HSPG2: variants seen among roughly 807,000 people sequenced by gnomAD.
The protein encoded by HSPG2 is heparan sulfate proteoglycan 2, also known as basement membrane-specific heparan sulfate proteoglycan core protein.
A neutral mutation model predicts 526.6 loss-of-function variants in HSPG2; 278 were observed. The observed-to-expected ratio is 0.53, with a 90% CI of 0.48 to 0.58. The LOEUF is 0.58. HSPG2 is among the 20% of genes least tolerant of loss of function. The pLI, the probability that HSPG2 is intolerant of heterozygous loss-of-function variation, is 0.00. For missense variants in HSPG2, 5,354 were observed against 6,099.5 expected, an observed-to-expected ratio of 0.88 and a Z score of 4.07; for synonymous variants, 2,465 against 2,555.4, an observed-to-expected ratio of 0.96 and a Z score of 1.07.
chr1:21,929,979 G>C (rs1644307031), intron 1 of HSPG2, among the ~76,000 whole-genome samples: 1 of 152,142 alleles, frequency 6.6e-6, no homozygotes, highest in South Asian at 2.1e-4. Flanking sequence ...CAATCCTATG[G>C]AACACCGGGC....
At position 21,860,248 on chromosome 1, in the gene HSPG2, A is replaced by T; in HGVS notation, c.4956-13T>A. Reference sequence around the variant, plus strand: ...ACCTGGGCCACACCTGTAAGGGGGAACAAGGGCCGGCAATGTCAGGCCTCA... The same window carrying T: ...ACCTGGGCCACACCTGTAAGGGGGATCAAGGGCCGGCAATGTCAGGCCTCA... On this transcript the variant is annotated splice_polypyrimidine_tract_variant and intron_variant, in intron 39 of 96. Transcript: ENST00000374695. The T allele has an allele frequency of 6.2e-7, 1 of 1,611,940 alleles. No homozygotes were observed. Among genetic ancestry groups the T allele is most frequent in the Non-Finnish European group, 8.5e-7 (1 of 1,179,146 alleles).
Position 21,874,743 on chromosome 1 carries a change from G to A in HSPG2, c.3415-14C>T. Reference sequence around the variant, plus strand: ...TGTGTCACAGTCCTGGGGGCAGAAAGATGGCAGTGGGAGGGACTTCCGAAC... The same window carrying A: ...TGTGTCACAGTCCTGGGGGCAGAAAAATGGCAGTGGGAGGGACTTCCGAAC... On this transcript the variant is annotated splice_polypyrimidine_tract_variant and intron_variant, in intron 26 of 96. Transcript: ENST00000374695. 1 of 1,585,472 alleles carries A rather than the reference G, an allele frequency of 6.3e-7. No homozygotes were observed. Among genetic ancestry groups the A allele is most frequent in the Non-Finnish European group, 8.6e-7 (1 of 1,164,010 alleles).
rs141771046 is a variant in HSPG2 at position 21,923,682 on chromosome 1, T to C, written c.63+13473A>G. Among the ~76,000 whole-genome samples, 17 of 152,318 alleles carry C rather than the reference T, an allele frequency of 1.1e-4. No individual in the cohort carries two copies. In the East Asian group the frequency reaches 2.3e-3, roughly 21 times the overall value. On this transcript the variant is annotated intron_variant, in intron 1 of 96. Coordinates refer to ENST00000374695, the MANE Select transcript of HSPG2 (RefSeq NM_005529.7). ...GTCTGGTGGCCCTGAAATCCTGCTA[T>C]AGTCCTCGAGTGTCTTCCTTGAATG...
chr1:21,847,320 C>T lies in HSPG2; in HGVS notation c.8164+34G>A, dbSNP rs749678729. On this transcript the variant is annotated intron_variant, in intron 62 of 96. Transcript: ENST00000374695. This position sits in a 1 kb window ranked among gnomAD's most constrained non-coding sequence, Gnocchi z 4.1. The stretch of plus-strand genomic sequence containing the variant: ...CCTTCTCCCCAGGGAACACTGTTGC[C>T]TGCATCCCTCGTCCCTTTCCTAGGC... The T allele has an allele frequency of 6.8e-6, 11 of 1,613,060 alleles. No homozygotes were observed. In the South Asian group the frequency reaches 1.2e-4, roughly 18 times the overall value.
chr1:21,932,579 TACAG>T (rs1183390485), intron 1 of HSPG2, among the ~76,000 whole-genome samples: 1 of 152,026 alleles, frequency 6.6e-6, no homozygotes, highest in Non-Finnish European at 1.5e-5. Flanking sequence ...CATAAACAAA[TACAG>T]ACAAATACAG....
intron 23 of HSPG2, 75 bp from the exon 24 acceptor site, chr1:21,876,117 T>C: frequency 6.9e-6 from 11 of 1,583,722 alleles, no homozygotes; most frequent in African/African-American, 1.3e-5. Context: ...ACCTTTTCCA[T>C]GCAGTGTATC....
rs1371863706 is a variant in HSPG2, at chr1:21,839,130, C to T, written c.9890-45G>A. 1 of 1,551,612 alleles carries T rather than the reference C, an allele frequency of 6.4e-7. No homozygotes were observed. Among genetic ancestry groups the T allele is most frequent in the Non-Finnish European group, 8.7e-7 (1 of 1,146,458 alleles). ...GGTCAGGATTGGGGAGGGCAAAGGT[C>T]AGAATGGCAGCAGGTCGTTGGATCC... On this transcript the variant is annotated intron_variant, in intron 73 of 96. Transcript: ENST00000374695. The surrounding 1 kb of genome is among the most constrained non-coding windows in gnomAD (Gnocchi z 4.5).
At chr1:21,915,276 A>T (rs1035063252) in intron 1 of HSPG2, among the ~76,000 whole-genome samples, 2 of 152,198 alleles carry the variant, frequency 1.3e-5, no homozygotes, top group African/African-American at 4.8e-5. Flanking sequence ...GGAGCTGGGG[A>T]CTAGGGACTG....
rs143696099 is a variant in HSPG2 at position 21,859,140 on chromosome 1, C to T, written c.5293+426G>A. Among the ~76,000 whole-genome samples, 105 of 152,140 alleles carry T rather than the reference C, an allele frequency of 6.9e-4. 1 individual carries two copies. The East Asian group carries it at 0.019, about 27-fold the overall frequency. On this transcript the variant is annotated intron_variant, in intron 42 of 96. Coordinates refer to ENST00000374695, the MANE Select transcript of HSPG2 (RefSeq NM_005529.7). This position sits in a 1 kb window ranked among gnomAD's most constrained non-coding sequence, Gnocchi z 5.3. ...TTGGCTCACTGCAACCTCCACCTCC[C>T]GGGTTCAAGCAATTCTCCTGCCTCA...
In HSPG2 at chr1:21,893,308, C is replaced by T. The variant is rs1044761619; in HGVS notation, c.244+2614G>A. On this transcript the variant is annotated intron_variant, in intron 3 of 96. Transcript: ENST00000374695. This position sits in a 1 kb window ranked among gnomAD's most constrained non-coding sequence, Gnocchi z 4.3. ...CTGCACCCATCTCTGCCCGTCAACACCCCATGGGGAAGAACGCCCGCCAGG... is the reference window on the plus strand; with the variant it reads ...CTGCACCCATCTCTGCCCGTCAACATCCCATGGGGAAGAACGCCCGCCAGG... Among the ~76,000 whole-genome samples, 1 of 152,174 alleles carries T rather than the reference C, an allele frequency of 6.6e-6. No individual in the cohort carries two copies. Among genetic ancestry groups the T allele is most frequent in the South Asian group, 2.1e-4 (1 of 4,828 alleles).
Position 21,848,384 on chromosome 1 carries a change from C to G in HSPG2, c.7737+259G>C, listed in dbSNP as rs769529112. ...CTGAGAGCAGGCAACTGTCTCATTC[C>G]ATCTGGAATCTTCAGTGTCAGGCAC... On this transcript the variant is annotated intron_variant, in intron 59 of 96. Coordinates refer to ENST00000374695, the MANE Select transcript of HSPG2 (RefSeq NM_005529.7). This position sits in a 1 kb window ranked among gnomAD's most constrained non-coding sequence, Gnocchi z 4.9. Among the ~76,000 whole-genome samples the G allele has an allele frequency of 6.6e-6, 1 of 152,202 alleles. No homozygotes were observed. The highest frequency in any genetic ancestry group is 1.5e-5 in the Non-Finnish European group (1 of 68,018).
chr1:21,879,709 G>C (rs565424481), intron 17 of HSPG2, among the ~76,000 whole-genome samples: 2 of 151,970 alleles, frequency 1.3e-5, no homozygotes, highest in South Asian at 4.2e-4. Flanking sequence ...CTGGAGTGCA[G>C]GGGCACGGTC....
Position 21,895,834 on chromosome 1 carries a change from G to A in HSPG2, c.244+88C>T. 8.1e-7 allele frequency: 1 copy of A among 1,237,394 alleles called. No homozygotes were observed. Among genetic ancestry groups the A allele is most frequent in the South Asian group, 1.2e-5 (1 of 82,704 alleles). 76.7% of individuals were successfully genotyped at this position (1,237,394 alleles called of 1,614,324 possible). ...CTTCTTGCTTTGTACCCCAGGGCAG[G>A]CCCAAGGAGCCCTCAGCCCAGGAGA... On this transcript the variant is annotated intron_variant, in intron 3 of 96. Transcript: ENST00000374695. The surrounding 1 kb of genome is among the most constrained non-coding windows in gnomAD (Gnocchi z 4.1).
At position 21,835,516 on chromosome 1, in the gene HSPG2, A is replaced by G. The variant is rs763140555; in HGVS notation, c.10453+24T>C. On this transcript the variant is annotated intron_variant, in intron 76 of 96. Transcript: ENST00000374695. ...CTCATCTCTGTTCCCTGCTCTTAGC[A>G]GAGGCCTGAAGCCACCCTCCTACCT... 4 of 1,511,184 alleles carry G rather than the reference A, an allele frequency of 2.6e-6. No individual in the cohort carries two copies. The East Asian group carries it at 6.8e-5, about 26-fold the overall frequency. The allele number at this position is 1,511,184 out of a possible 1,614,324, so 93.6% of individuals were successfully genotyped here.
At chr1:21,825,083 ACATGACAG>A (rs2097966397) in intron 91 of HSPG2, 2 of 447,864 alleles carry the variant, frequency 4.5e-6, no homozygotes, top group Non-Finnish European at 4.1e-6. Flanking sequence ...TTTGCTTATC[ACATGACAG>A]TAGCTGCAAA....
Position 21,848,741 on chromosome 1 carries a change from T to C in HSPG2, c.7639A>G (p.Asn2547Asp). The C allele has an allele frequency of 6.2e-7, 1 of 1,613,740 alleles. No homozygotes were observed. Among genetic ancestry groups the C allele is most frequent in the South Asian group, 1.1e-5 (1 of 91,066 alleles). Residue 2547 changes from asparagine (N) to aspartate (D), a missense_variant, in exon 59 of 97, where the codon AAT (asparagine) becomes GAT (aspartate). Asn to Asp is a conservative substitution (Grantham distance 23). Transcript: ENST00000374695. The surrounding 1 kb of genome is among the most constrained non-coding windows in gnomAD (Gnocchi z 4.9). ...CAGTTGAGGTCCAGGGTGTGTCCATTGGCCAGGGAGGCTGAGGAGGACTCG... is the reference window on the plus strand; with the variant it reads ...CAGTTGAGGTCCAGGGTGTGTCCATCGGCCAGGGAGGCTGAGGAGGACTCG... ...RIESSSASLA[N>D]GHTLDLNCLV...
intron 21 of HSPG2, among the ~76,000 whole-genome samples, chr1:21,877,693 T>C (rs1641189160): frequency 6.6e-6 from 1 of 152,034 alleles, no homozygotes; most frequent in African/African-American, 2.4e-5. Context: ...AGATGGGGTT[T>C]CACCATGTTG....
At chr1:21,908,610 G>A (rs965151994) in intron 1 of HSPG2, 2 of 644,208 alleles carry the variant, frequency 3.1e-6, no homozygotes, top group South Asian at 1.8e-5. Flanking sequence ...AAAGACCTCT[G>A]GGCTGTTAAA....
intron 37 of HSPG2, among the ~76,000 whole-genome samples, chr1:21,862,751 A>G (rs1313153004): frequency 1.3e-5 from 2 of 151,998 alleles, no homozygotes; most frequent in Non-Finnish European, 2.9e-5. Context: ...AAAGGTATAC[A>G]CTCAGGTATT....
Sources: gnomAD v4.1 joint callset for allele counts (sites outside exome capture counted in the v4.1 genomes callset) on GRCh38, gnomAD v4.1.1 for gene constraint, Gnocchi (gnomAD v3.1) non-coding constraint, MANE v1.5 for transcripts, NCBI Gene and HGNC (gene_info 2026-07-23, HGNC 2026-07-21) for gene names.